CACNA1C: variants seen among roughly 807,000 people sequenced by gnomAD.
CACNA1C encodes calcium voltage-gated channel subunit alpha1 C.
Under a neutral mutation model 229.0 loss-of-function variants are expected in CACNA1C, and 30 were observed. The ratio of observed to expected loss-of-function variants is 0.13; its 90% CI spans 0.10 to 0.18. The LOEUF (loss-of-function observed/expected upper bound fraction) is 0.18, where lower values mean the gene tolerates loss of function less well. Among genes scored for constraint, CACNA1C ranks in the 10% least tolerant of loss-of-function variants. The pLI is 1.00. For missense variants in CACNA1C, 1,658 were observed against 2,845.0 expected (o/e 0.58, Z 9.49); for synonymous variants, 1,114 against 1,132.5 (o/e 0.98, Z 0.33).
chr12:2,128,420 C>CT (rs1459991735), intron 3 of CACNA1C, among the ~76,000 whole-genome samples: 8 of 151,324 alleles, frequency 5.3e-5, no homozygotes, highest in African/African-American at 9.7e-5. Flanking sequence ...ATTTTTTTAC[C>CT]TTTTTTTTGA....
At position 2,408,474 on chromosome 12, in the gene CACNA1C, AGAG is replaced by A. The variant is rs543120152; in HGVS notation, c.478-40497_478-40495del. ...CCCTTTCCTGGGCTTTTGGCTAACG[AGAG>A]GAGGCTCTAATTGGGGCTTTTTTTT... is the stretch of plus-strand genomic sequence containing the variant. On this transcript the variant is annotated intron_variant, in intron 3 of 46. Transcript: ENST00000399655. 2.6e-3 allele frequency among the ~76,000 whole-genome samples: 390 copies of A among 150,368 alleles called. 1 individual carries two copies. The highest frequency in any genetic ancestry group is 2.7e-3 in the Non-Finnish European group (182 of 67,726).
chr12:2,420,145 G>GTC (rs1555546993), intron 3 of CACNA1C, among the ~76,000 whole-genome samples: 2,900 of 150,250 alleles, frequency 0.019, 106 homozygotes, highest in African/African-American at 0.056. Context: ...GTGTGTGTGT[G>GTC]TGTAGGGGGA....
rs540598083 is a variant in CACNA1C, at chr12:2,521,741, CCT to C, written c.1390+8761_1390+8762del. 2.8e-3 allele frequency among the ~76,000 whole-genome samples: 424 copies of C among 152,266 alleles called. 2 individuals carry two copies. The highest frequency in any genetic ancestry group is 1.0e-2 in the African/African-American group (414 of 41,538). On this transcript the variant is annotated intron_variant, in intron 9 of 46. Transcript: ENST00000399655. The stretch of plus-strand genomic sequence containing the variant: ...CGCTTGGACTTCTCACTCCTTCCCT[CCT>C]CTCCCCTCACCTCTCTCCGCCTGGA...
chr12:2,588,275 G>A (rs933576731), intron 18 of CACNA1C, among the ~76,000 whole-genome samples: 1 of 152,222 alleles, frequency 6.6e-6, no homozygotes, highest in African/African-American at 2.4e-5. Context: ...CCAGGCCGCT[G>A]GCCCCTGCCA....
intron 7 of CACNA1C, among the ~76,000 whole-genome samples, chr12:2,495,109 C>T (rs1462423039): frequency 6.6e-5 from 10 of 152,204 alleles, no homozygotes; most frequent in East Asian, 3.8e-4. Context: ...TAAAATGAAA[C>T]ACTGGAAAAC....
intron 3 of CACNA1C, among the ~76,000 whole-genome samples, chr12:2,340,695 C>A (rs1336018572): frequency 6.6e-6 from 1 of 152,184 alleles, no homozygotes; most frequent in Admixed American, 6.5e-5. Flanking sequence ...TGGTGGCTCA[C>A]GCCTGTAATC....
At chr12:2,386,407 T>C (rs561677964) in intron 3 of CACNA1C, among the ~76,000 whole-genome samples, 20 of 152,018 alleles carry the variant, frequency 1.3e-4, no homozygotes, top group Admixed American at 9.2e-4. Flanking sequence ...ACTCTCCTCT[T>C]CCCCCCAACT....
chr12:2,424,476 TG>T (rs1213363649), intron 3 of CACNA1C, among the ~76,000 whole-genome samples: 6 of 152,214 alleles, frequency 3.9e-5, no homozygotes, highest in Middle Eastern at 3.4e-3. Flanking sequence ...CTTGGATGTT[TG>T]GTGTCTTGGC....
chr12:2,625,819 A>G (rs575510948), intron 29 of CACNA1C, among the ~76,000 whole-genome samples: 18 of 152,190 alleles, frequency 1.2e-4, no homozygotes, highest in African/African-American at 4.3e-4. Context: ...TTAGACAGAT[A>G]TAGTGGCACA....
chr12:2,334,397 C>T (rs559701235), intron 3 of CACNA1C, among the ~76,000 whole-genome samples: 2 of 152,182 alleles, frequency 1.3e-5, no homozygotes, highest in Non-Finnish European at 1.5e-5. Flanking sequence ...AGGACAGGAG[C>T]GCTGGTTCAT....
intron 3 of CACNA1C, among the ~76,000 whole-genome samples, chr12:2,232,142 A>G (rs1006653707): frequency 1.3e-5 from 2 of 151,464 alleles, no homozygotes; most frequent in Non-Finnish European, 2.9e-5. Flanking sequence ...TTTCTGGTGC[A>G]GATCCAATCC....
At chr12:2,628,964 C>T (rs995649874) in intron 29 of CACNA1C, among the ~76,000 whole-genome samples, 4 of 151,978 alleles carry the variant, frequency 2.6e-5, no homozygotes, top group Non-Finnish European at 4.4e-5. Flanking sequence ...CTGAGGAGGC[C>T]GGATAGAGTC....
At chr12:2,164,046 G>A (rs1041170311) in intron 3 of CACNA1C, among the ~76,000 whole-genome samples, 5 of 152,136 alleles carry the variant, frequency 3.3e-5, no homozygotes, top group Admixed American at 2.6e-4. Flanking sequence ...GGCCTGGAGT[G>A]GGCTTCCTCC....
intron 3 of CACNA1C, among the ~76,000 whole-genome samples, chr12:2,196,269 G>A (rs915300439): frequency 6.6e-6 from 1 of 152,162 alleles, no homozygotes; most frequent in African/African-American, 2.4e-5. Context: ...CTTGTGATTT[G>A]CCAGCTTAGT....
chr12:2,519,299 C>CG (rs1289627879), intron 9 of CACNA1C, among the ~76,000 whole-genome samples: 20 of 152,366 alleles, frequency 1.3e-4, no homozygotes, highest in Non-Finnish European at 1.2e-4. Flanking sequence ...CACGAACACA[C>CG]GCAAACGCGA....
chr12:2,128,690 C>G (rs900152488), intron 3 of CACNA1C, among the ~76,000 whole-genome samples: 2 of 152,170 alleles, frequency 1.3e-5, no homozygotes, highest in Admixed American at 6.5e-5. Context: ...GGATTACAGG[C>G]GTGAGCCACT....
intron 3 of CACNA1C, among the ~76,000 whole-genome samples, chr12:2,281,730 G>A (rs1210364103): frequency 3.9e-5 from 6 of 152,104 alleles, no homozygotes; most frequent in Non-Finnish European, 7.4e-5. Context: ...CTGCTTTGAG[G>A]AATTTGATTA....
At chr12:2,482,637 A>G (rs1031181568) in intron 5 of CACNA1C, among the ~76,000 whole-genome samples, 1 of 152,116 alleles carries the variant, frequency 6.6e-6, no homozygotes, top group Non-Finnish European at 1.5e-5. Context: ...GCAGTCCTTC[A>G]CCCAGTGACA....
At chr12:2,027,021 C>A (rs2047443501) in intron 1 of CACNA1C, among the ~76,000 whole-genome samples, 1 of 152,074 alleles carries the variant, frequency 6.6e-6, no homozygotes, top group Admixed American at 6.5e-5. Flanking sequence ...TCTTTCTTGC[C>A]ATTTCCCAAA....
Sources: gnomAD v4.1 joint callset for allele counts (sites outside exome capture counted in the v4.1 genomes callset) on GRCh38, gnomAD v4.1.1 for gene constraint, MANE v1.5 for transcripts, NCBI Gene and HGNC (gene_info 2026-07-23, HGNC 2026-07-21) for gene names.